Variants in GADD45GIP1 observed in about 807,000 individuals in gnomAD.
The protein encoded by GADD45GIP1 is GADD45G interacting protein 1.
Under a neutral mutation model 22.1 loss-of-function variants are expected in GADD45GIP1, and 17 were observed. The observed-to-expected ratio is 0.77, with a 90% CI of 0.53 to 1.15. The LOEUF is 1.15. Among genes scored for constraint, GADD45GIP1 ranks in the 50% most tolerant of loss-of-function variants. The pLI is 0.00. For missense variants in GADD45GIP1, 294 were observed against 314.0 expected (o/e 0.94, Z 0.48); for synonymous variants, 135 against 138.4 (o/e 0.98, Z 0.17).
chr19:12,957,205 G>T lies in GADD45GIP1; in HGVS notation c.8C>A (p.Ala3Glu). MA[A>E]SVRQARSLLG... ...TAGGCTGCGTGCCTGTCGCACGGAC[G>T]CCGCCATCTTGGCTGTGCGGGGTCC... The change falls in exon 1 of 2, where the codon GCG (alanine) becomes GAG (glutamate). Residue 3 changes from alanine to glutamate, a missense_variant. By Grantham distance (107) the Ala-to-Glu change is moderately radical. Coordinates refer to ENST00000316939, the MANE Select transcript of GADD45GIP1 (RefSeq NM_052850.4). 7.2e-7 allele frequency: 1 copy of T among 1,396,228 alleles called. No homozygotes were observed. The highest frequency in any genetic ancestry group is 9.2e-7 in the Non-Finnish European group (1 of 1,084,882). 86.5% of individuals were successfully genotyped at this position (1,396,228 alleles called of 1,614,324 possible). A position where few individuals can be genotyped will look rare whatever the true frequency, so the allele number is the denominator to read the frequency against.
Position 12,954,426 on chromosome 19 carries a change from CCTTGT to C in GADD45GIP1, c.446_450del (p.Asp149GlyfsTer9). ...TCAGCCTGCAGTCGGGCCCTCCTCT[CCTTGT>C]CAGCCTGGGCCTTCTCCCAGTTCTC... On this transcript the variant is annotated frameshift_variant, in exon 2 of 2. Transcript: ENST00000316939. LOFTEE classifies it high-confidence loss of function. 6.2e-7 allele frequency: 1 copy of C among 1,614,212 alleles called. No homozygotes were observed. The highest frequency in any genetic ancestry group is 8.5e-7 in the Non-Finnish European group (1 of 1,180,034).
Position 12,954,207 on chromosome 19 carries a change from C to T in GADD45GIP1, c.*1G>A, listed in dbSNP as rs181583387. 6.2e-7 allele frequency: 1 copy of T among 1,612,484 alleles called. No individual in the cohort carries two copies. The highest frequency in any genetic ancestry group is 1.7e-5 in the Admixed American group (1 of 59,662). Reference sequence around the variant, plus strand: ...AGGCTTTATTGGGAAGGGACAAAGCCTCAGGAGCTGGGTGCCCCAGAGGCT... The same window carrying T: ...AGGCTTTATTGGGAAGGGACAAAGCTTCAGGAGCTGGGTGCCCCAGAGGCT... On this transcript the variant is annotated 3_prime_UTR_variant, in exon 2 of 2. Coordinates refer to ENST00000316939, the MANE Select transcript of GADD45GIP1 (RefSeq NM_052850.4).
At position 12,953,895 on chromosome 19, in the gene GADD45GIP1, T is replaced by C. The variant is rs1016374795; in HGVS notation, c.*313A>G. On this transcript the variant is annotated 3_prime_UTR_variant, in exon 2 of 2. Coordinates refer to ENST00000316939, the MANE Select transcript of GADD45GIP1 (RefSeq NM_052850.4). ...CACCACAGTCTGTTTTGGCTATACTTCCCCCCCCACCAGCCTTGTAATTGG... is the reference window on the plus strand; with the variant it reads ...CACCACAGTCTGTTTTGGCTATACTCCCCCCCCCACCAGCCTTGTAATTGG... 1.9e-5 allele frequency: 6 copies of C among 323,256 alleles called. No homozygotes were observed. Among genetic ancestry groups the C allele is most frequent in the South Asian group, 9.8e-5 (2 of 20,478 alleles). The allele number at this position is 323,256 out of a possible 1,614,324, so 20.0% of individuals were successfully genotyped here.
At position 12,954,268 on chromosome 19, in the gene GADD45GIP1, A is replaced by C; in HGVS notation, c.609T>G (p.Ala203=). Residue 203 remains alanine (A), a synonymous_variant, in exon 2 of 2, where the codon GCT becomes GCG. Transcript: ENST00000316939. ...GAGCCACAGCTGCAGCCAATGCAGC[A>C]GCTCGCGCCTCCTTCTTCCGTTTCT... ...EKQKRKKEAR[A]AALAAAVAQD... The C allele has an allele frequency of 6.2e-7, 1 of 1,614,186 alleles. No homozygotes were observed. Among genetic ancestry groups the C allele is most frequent in the Non-Finnish European group, 8.5e-7 (1 of 1,180,034 alleles).
Position 12,957,069 on chromosome 19 carries a change from C to T in GADD45GIP1, c.144G>A (p.Pro48=). The part of the protein sequence containing the change: ...RWPDPEDLLT[P]RWQLGPRYAA... Reference sequence around the variant, plus strand: ...CGTAGCGCGGTCCCAGCTGCCACCGCGGGGTCAGGAGGTCCTCGGGGTCTG... The same window carrying T: ...CGTAGCGCGGTCCCAGCTGCCACCGTGGGGTCAGGAGGTCCTCGGGGTCTG... The change falls in exon 1 of 2, where the codon CCG becomes CCA. Residue 48 remains proline, a synonymous_variant. Transcript: ENST00000316939. The T allele has an allele frequency of 6.4e-7, 1 of 1,563,472 alleles. No individual in the cohort carries two copies. The highest frequency in any genetic ancestry group is 8.6e-7 in the Non-Finnish European group (1 of 1,163,598).
chr19:12,953,233 G>T lies in GADD45GIP1; in HGVS notation c.*975C>A. Reference sequence around the variant, plus strand: ...AAAGTGGCCCCTGTTCCCATCTCCCGGGCCAGACAGCTGTCCCCCCGTCCT... The same window carrying T: ...AAAGTGGCCCCTGTTCCCATCTCCCTGGCCAGACAGCTGTCCCCCCGTCCT... On this transcript the variant is annotated 3_prime_UTR_variant, in exon 2 of 2. Coordinates refer to ENST00000316939, the MANE Select transcript of GADD45GIP1 (RefSeq NM_052850.4). The T allele has an allele frequency of 4.4e-6, 2 of 449,794 alleles. No homozygotes were observed. Among genetic ancestry groups the T allele is most frequent in the Non-Finnish European group, 7.6e-6 (2 of 262,136 alleles). 27.9% of individuals were successfully genotyped at this position (449,794 alleles called of 1,614,324 possible). A position where few individuals can be genotyped will look rare whatever the true frequency, so the allele number is the denominator to read the frequency against.
At chr19:12,955,318 A>G (rs1348720768) in intron 1 of GADD45GIP1, among the ~76,000 whole-genome samples, 5 of 152,174 alleles carry the variant, frequency 3.3e-5, no homozygotes, top group Non-Finnish European at 7.3e-5. Flanking sequence ...TAGAAAAGTA[A>G]AAGAATTAAG....
chr19:12,956,391 C>G (rs529068723), intron 1 of GADD45GIP1, among the ~76,000 whole-genome samples: 2 of 152,200 alleles, frequency 1.3e-5, no homozygotes, highest in Non-Finnish European at 2.9e-5. Context: ...TGATGGCTCA[C>G]ACCTGTAATC....
intron 1 of GADD45GIP1, among the ~76,000 whole-genome samples, chr19:12,955,210 C>T (rs1017633758): frequency 8.5e-5 from 13 of 152,134 alleles, no homozygotes; most frequent in African/African-American, 4.8e-5. Flanking sequence ...GTTTTCTGTT[C>T]CTGTGTTAGT....
Position 12,957,031 on chromosome 19 carries a change from A to C in GADD45GIP1, c.182T>G (p.Phe61Cys), listed in dbSNP as rs1458424054. Residue 61 changes from phenylalanine to cysteine, a missense_variant, in exon 1 of 2, where the codon TTC becomes TGC. By Grantham distance (205) the Phe-to-Cys change is radical (BLOSUM62 -2). Transcript: ENST00000316939. Reference sequence around the variant, plus strand: ...CCCGGAGGCGGCGCCGTAACGCGCGAACTGCTTAGCCGCGTAGCGCGGTCC... The same window carrying C: ...CCCGGAGGCGGCGCCGTAACGCGCGCACTGCTTAGCCGCGTAGCGCGGTCC... ...QLGPRYAAKQ[F>C]ARYGAASGVV... The C allele has an allele frequency of 3.8e-6, 6 of 1,595,730 alleles. No individual in the cohort carries two copies. In the African/African-American group the frequency reaches 8.0e-5, roughly 21 times the overall value.
chr19:12,957,123 G>A lies in GADD45GIP1; in HGVS notation c.90C>T (p.Pro30=). The A allele has an allele frequency of 7.1e-7, 1 of 1,418,026 alleles. No individual in the cohort carries two copies. The highest frequency in any genetic ancestry group is 9.1e-7 in the Non-Finnish European group (1 of 1,099,214). The allele number at this position is 1,418,026 out of a possible 1,614,324, so 87.8% of individuals were successfully genotyped here. The part of the protein sequence containing the change: ...PGSRGYRARP[P]PRRRPGPRWP... The stretch of plus-strand genomic sequence containing the variant: ...ACCGGGGTCCCGGCCTGCGGCGCGG[G>A]GGCGGCCGCGCCCGGTAGCCACGGG... The change falls in exon 1 of 2, where the codon CCC becomes CCT. Residue 30 remains proline (P), a synonymous_variant. Coordinates refer to ENST00000316939, the MANE Select transcript of GADD45GIP1 (RefSeq NM_052850.4).
At chr19:12,954,781 C>T (rs1971903179) in intron 1 of GADD45GIP1, among the ~76,000 whole-genome samples, 1 of 152,234 alleles carries the variant, frequency 6.6e-6, no homozygotes. Flanking sequence ...CAGCATTTCA[C>T]TGAGCTGCCT....
chr19:12,956,721 T>C (rs1971928314), intron 1 of GADD45GIP1, 142 bp downstream of exon 1: 1 of 670,704 alleles, frequency 1.5e-6, no homozygotes. Context: ...ATTCTGAGTT[T>C]GTTTTGCGGC....
chr19:12,954,601 T>C (rs1227547529), intron 1 of GADD45GIP1, 75 bp from the exon 2 acceptor site: 1 of 1,303,142 alleles, frequency 7.7e-7, no homozygotes, highest in African/African-American at 1.5e-5. Flanking sequence ...ATCTCACCCA[T>C]AGGCCTTTGC....
At position 12,954,508 on chromosome 19, in the gene GADD45GIP1, C is replaced by T. The variant is rs759171393; in HGVS notation, c.369G>A (p.Glu123=). ...TCATCTGTGGCATCTTGGCCATGCACTCTGCGATGTGCTGCTCCCTGCAGG... is the reference window on the plus strand; with the variant it reads ...TCATCTGTGGCATCTTGGCCATGCATTCTGCGATGTGCTGCTCCCTGCAGG... The part of the protein sequence containing the change: ...KRREREQHIA[E]CMAKMPQMIV... Residue 123 remains glutamate, a synonymous_variant, in exon 2 of 2, where the codon GAG becomes GAA. Transcript: ENST00000316939. 30 of 1,613,606 alleles carry T rather than the reference C, an allele frequency of 1.9e-5. No individual in the cohort carries two copies. The South Asian group carries it at 3.3e-4, about 18-fold the overall frequency.
Position 12,954,031 on chromosome 19 carries a change from G to T in GADD45GIP1, c.*177C>A. On this transcript the variant is annotated 3_prime_UTR_variant, in exon 2 of 2. Coordinates refer to ENST00000316939, the MANE Select transcript of GADD45GIP1 (RefSeq NM_052850.4). The stretch of plus-strand genomic sequence containing the variant: ...CCCTTTTCCTCCCACTGAAGCCCCA[G>T]TTAGTCAGCAGGGCCTAGAGTCCCT... 1.6e-6 allele frequency: 1 copy of T among 611,720 alleles called. No homozygotes were observed. Among genetic ancestry groups the T allele is most frequent in the Non-Finnish European group, 2.9e-6 (1 of 345,404 alleles). 37.9% of individuals were successfully genotyped at this position (611,720 alleles called of 1,614,324 possible).
At chr19:12,955,427 G>A (rs946331710) in intron 1 of GADD45GIP1, among the ~76,000 whole-genome samples, 2 of 152,132 alleles carry the variant, frequency 1.3e-5, no homozygotes, top group Non-Finnish European at 2.9e-5. Context: ...ACTTCACCAA[G>A]CCTCAGTTTC....
At position 12,954,162 on chromosome 19, in the gene GADD45GIP1, C is replaced by A; in HGVS notation, c.*46G>T. The stretch of plus-strand genomic sequence containing the variant: ...CACCTTGAGAGGACGCAGATCTCTT[C>A]AGGGGTACTGCCAGGTAGCAGGCTT... On this transcript the variant is annotated 3_prime_UTR_variant, in exon 2 of 2. Coordinates refer to ENST00000316939, the MANE Select transcript of GADD45GIP1 (RefSeq NM_052850.4). 6.6e-7 allele frequency: 1 copy of A among 1,522,596 alleles called. No homozygotes were observed. Among genetic ancestry groups the A allele is most frequent in the South Asian group, 1.2e-5 (1 of 84,914 alleles). The allele number at this position is 1,522,596 out of a possible 1,614,324, so 94.3% of individuals were successfully genotyped here. A position where few individuals can be genotyped will look rare whatever the true frequency, so the allele number is the denominator to read the frequency against.
At chr19:12,955,582 C>G (rs935264163) in intron 1 of GADD45GIP1, among the ~76,000 whole-genome samples, 8 of 151,300 alleles carry the variant, frequency 5.3e-5, no homozygotes, top group Middle Eastern at 3.2e-3. Flanking sequence ...TGGTCTGGCC[C>G]GACGCGGTGG....
Sources: allele counts gnomAD v4.1 joint callset (sites outside exome capture counted in the v4.1 genomes callset), GRCh38; gene constraint gnomAD v4.1.1; transcripts MANE v1.5; gene names NCBI Gene and HGNC (gene_info 2026-07-23, HGNC 2026-07-21).